The following F13A1 variants were observed in gnomAD, a reference collection of about 807,000 sequenced individuals.
F13A1 encodes coagulation factor XIII A chain, also known as FSF, A subunit.
F13A1 carries 47 observed loss-of-function variants against 80.1 expected under a neutral mutation model. The ratio of observed to expected loss-of-function variants is 0.59; its 90% CI spans 0.46 to 0.75. The LOEUF is 0.75. F13A1 is among the 30% of genes least tolerant of loss of function. The pLI is 0.00. For synonymous variants in F13A1, 349 were observed against 344.9 expected (o/e 1.01, Z -0.13); for missense variants, 817 against 930.4 (o/e 0.88, Z 1.59).
intron 4 of F13A1, among the ~76,000 whole-genome samples, chr6:6,259,357 G>C (rs1757747406): frequency 6.6e-6 from 1 of 152,054 alleles, no homozygotes; most frequent in Admixed American, 6.6e-5. Flanking sequence ...ATTGGCTAAG[G>C]ATGAATTTAA....
chr6:6,286,217 C>T (rs1758138018), intron 3 of F13A1, among the ~76,000 whole-genome samples: 1 of 152,216 alleles, frequency 6.6e-6, no homozygotes, highest in Admixed American at 6.5e-5. Flanking sequence ...GAAACCTCAT[C>T]TCCATTAAAA....
Position 6,194,167 on chromosome 6 carries a change from C to T in F13A1, c.1305+1630G>A, listed in dbSNP as rs1761249558. Among the ~76,000 whole-genome samples, 3 of 152,162 alleles carry T rather than the reference C, an allele frequency of 2.0e-5. No homozygotes were observed. In the South Asian group the frequency reaches 6.2e-4, roughly 31 times the overall value. On this transcript the variant is annotated intron_variant, in intron 10 of 14. Transcript: ENST00000264870. ...GTTCCCCACAACTTCATAACAACCC[C>T]TCCAATCCGTGTTCCACAAGGCTGT...
At chr6:6,290,203 TAAC>T (rs1372623463) in intron 3 of F13A1, among the ~76,000 whole-genome samples, 1 of 152,208 alleles carries the variant, frequency 6.6e-6, no homozygotes, top group Non-Finnish European at 1.5e-5. Flanking sequence ...AACATACTCT[TAAC>T]AATTATTTTT....
chr6:6,271,154 C>T (rs562958428), intron 3 of F13A1, among the ~76,000 whole-genome samples: 1 of 152,208 alleles, frequency 6.6e-6, no homozygotes, highest in Admixed American at 6.5e-5. Flanking sequence ...TATGGGAAAG[C>T]TGGTTAGGAA....
intron 13 of F13A1, among the ~76,000 whole-genome samples, chr6:6,154,972 A>T (rs1022193362): frequency 7.9e-5 from 12 of 152,382 alleles, no homozygotes; most frequent in African/African-American, 2.9e-4. Context: ...AAGGATGGGC[A>T]TAAGCCCCTT....
chr6:6,307,886 G>A (rs1758535408), intron 2 of F13A1, among the ~76,000 whole-genome samples: 2 of 151,700 alleles, frequency 1.3e-5, no homozygotes, highest in South Asian at 4.2e-4. Flanking sequence ...TCTAACCATG[G>A]GTCCTCGTTC....
chr6:6,201,357 G>A (rs939016490), intron 8 of F13A1, among the ~76,000 whole-genome samples: 1 of 152,176 alleles, frequency 6.6e-6, no homozygotes, highest in Admixed American at 6.5e-5. Context: ...TAGGGTGGGA[G>A]TTTCATAACA....
intron 8 of F13A1, among the ~76,000 whole-genome samples, chr6:6,210,925 A>G (rs1439156858): frequency 6.6e-6 from 1 of 151,762 alleles, no homozygotes; most frequent in Non-Finnish European, 1.5e-5. Flanking sequence ...GAGACAGGTT[A>G]TCACCGTGTT....
At chr6:6,315,902 T>G (rs3024329) in intron 2 of F13A1, among the ~76,000 whole-genome samples, 20,018 of 150,808 alleles carry the variant, frequency 0.13, 1,601 homozygotes, top group African/African-American at 0.2. Flanking sequence ...AAATGAGTGT[T>G]CTTTCCAAGG....
At chr6:6,304,969 A>G (rs749718120) in intron 3 of F13A1, 35 of 346,494 alleles carry the variant, frequency 1.0e-4, no homozygotes, top group Admixed American at 4.0e-5. Flanking sequence ...AGCAGAATCA[A>G]CTTTCGGAAT....
At chr6:6,244,759 G>A (rs1357138417) in intron 6 of F13A1, among the ~76,000 whole-genome samples, 1 of 152,164 alleles carries the variant, frequency 6.6e-6, no homozygotes, top group Non-Finnish European at 1.5e-5. Context: ...GGCCAGCAGA[G>A]GTGAGTTATT....
chr6:6,240,348 G>C (rs1344597707), intron 6 of F13A1, among the ~76,000 whole-genome samples: 1 of 152,138 alleles, frequency 6.6e-6, no homozygotes, highest in East Asian at 1.9e-4. Context: ...AAAAGATAAT[G>C]TCTGAGCAGT....
In F13A1 at chr6:6,222,072, T is replaced by C; in HGVS notation, c.1073A>G (p.Asp358Gly). ...NLQMDIFLEEDGNVNSKLTKD... is the reference protein window; with the variant it reads ...NLQMDIFLEEGGNVNSKLTKD... ...GGTGAGTTTGGAATTCACGTTCCCA[T>C]CTTCTTCCAGGAAGATGTCCATTTG... Residue 358 changes from aspartate (D) to glycine (G), a missense_variant, in exon 8 of 15, where the codon GAT becomes GGT. Asp to Gly is a moderately conservative substitution (Grantham distance 94). Transcript: ENST00000264870. 1 of 1,614,096 alleles carries C rather than the reference T, an allele frequency of 6.2e-7. No individual in the cohort carries two copies. Among genetic ancestry groups the C allele is most frequent in the Non-Finnish European group, 8.5e-7 (1 of 1,179,970 alleles).
chr6:6,228,880 G>A (rs146697291), intron 6 of F13A1, among the ~76,000 whole-genome samples: 29 of 152,296 alleles, frequency 1.9e-4, no homozygotes, highest in African/African-American at 7.0e-4. Context: ...TACAAGCTGA[G>A]CGTATCCCCC....
chr6:6,245,423 C>T (rs1757541176), intron 6 of F13A1, among the ~76,000 whole-genome samples: 1 of 152,190 alleles, frequency 6.6e-6, no homozygotes, highest in African/African-American at 2.4e-5. Context: ...AGGGTTTCTC[C>T]ATGTTGGTCA....
intron 4 of F13A1, among the ~76,000 whole-genome samples, chr6:6,254,989 T>C (rs1757683970): frequency 6.6e-6 from 1 of 152,188 alleles, no homozygotes; most frequent in African/African-American, 2.4e-5. Flanking sequence ...TTAGTTTTTC[T>C]TTAAGAGCAA....
At chr6:6,185,041 A>G (rs1007332122) in intron 10 of F13A1, among the ~76,000 whole-genome samples, 2 of 152,130 alleles carry the variant, frequency 1.3e-5, no homozygotes, top group African/African-American at 4.8e-5. Context: ...TTGACGCTCT[A>G]TGGTAGAACA....
chr6:6,297,438 C>T (rs201911285), intron 3 of F13A1, among the ~76,000 whole-genome samples: 42,277 of 148,952 alleles, frequency 0.28, 7,251 homozygotes, highest in African/African-American at 0.48. Context: ...TGTTATTGGT[C>T]TATTCAGAGA....
At chr6:6,251,057 G>C (rs1291188587) in intron 4 of F13A1, 128 bp from the exon 5 acceptor site, 1 of 777,406 alleles carries the variant, frequency 1.3e-6, no homozygotes. Context: ...AATGCCCTTT[G>C]TTTCACCAAG....
Sources: gnomAD v4.1 joint callset for allele counts (sites outside exome capture counted in the v4.1 genomes callset) on GRCh38, gnomAD v4.1.1 for gene constraint, MANE v1.5 for transcripts, NCBI Gene and HGNC (gene_info 2026-07-23, HGNC 2026-07-21) for gene names.